The following MYOM2 variants were observed in gnomAD, a reference collection of about 807,000 sequenced individuals.
MYOM2 encodes the protein myomesin 2.
In MYOM2, 254 loss-of-function variants were observed where a neutral mutation model predicts 187.6. The ratio of observed to expected loss-of-function variants is 1.35; its 90% confidence interval spans 1.22 to 1.50. The LOEUF (loss-of-function observed/expected upper bound fraction) is 1.50. Among genes scored for constraint, MYOM2 ranks in the 40% most tolerant of loss-of-function variants. The pLI, the probability that MYOM2 is intolerant of heterozygous loss-of-function variation, is 0.00. For missense variants in MYOM2, 2,796 were observed against 1,924.0 expected (o/e 1.45, Z -8.48); for synonymous variants, 981 against 753.8 (o/e 1.30, Z -4.94).
intron 15 of MYOM2, 58 bp downstream of exon 15, chr8:2,090,249 A>G (rs745325512): frequency 1.4e-5 from 21 of 1,481,804 alleles, no homozygotes; most frequent in Non-Finnish European, 1.9e-5. Flanking sequence ...GGGTGACACC[A>G]AATAGCCTTA....
intron 6 of MYOM2, among the ~76,000 whole-genome samples, chr8:2,061,153 G>C (rs578019517): frequency 6.6e-6 from 1 of 152,078 alleles, no homozygotes; most frequent in South Asian, 2.1e-4. Context: ...GTTGGGAAGA[G>C]GGTTGAAAGG....
At position 2,069,504 on chromosome 8, in the gene MYOM2, G is replaced by A. The variant is rs777934982; in HGVS notation, c.793+7G>A. 98 of 1,614,040 alleles carry A rather than the reference G, an allele frequency of 6.1e-5. No homozygotes were observed. Among genetic ancestry groups the A allele is most frequent in the Non-Finnish European group, 8.1e-5 (95 of 1,180,022 alleles). On this transcript the variant is annotated splice_region_variant and intron_variant, in intron 8 of 36. Transcript: ENST00000262113. ...GTGGGACTCCCGATTGGATGTAAGTGGGTTTTTGTTTCTTTTCTGTGTGGT... is the reference window on the plus strand; with the variant it reads ...GTGGGACTCCCGATTGGATGTAAGTAGGTTTTTGTTTCTTTTCTGTGTGGT...
rs1453396029 is a variant in MYOM2 at position 2,144,836 on chromosome 8, T to C, written c.4253T>C (p.Ile1418Thr). The C allele has an allele frequency of 1.2e-6, 2 of 1,613,908 alleles. No individual in the cohort carries two copies. ...VTSEDSGKYS[I>T]NIKNKYGGEK... Reference sequence around the variant, plus strand: ...TCCGAGGACTCGGGCAAGTACAGCATCAACATCAAGAATAAGTATGGCGGG... The same window carrying C: ...TCCGAGGACTCGGGCAAGTACAGCACCAACATCAAGAATAAGTATGGCGGG... The change falls in exon 37 of 37, where the codon ATC (isoleucine) becomes ACC (threonine). Residue 1418 changes from isoleucine (I) to threonine (T), a missense_variant. Coordinates refer to ENST00000262113, the MANE Select transcript of MYOM2 (RefSeq NM_003970.4).
chr8:2,099,065 C>A, intron 19 of MYOM2, 82 bp downstream of exon 19: 2 of 1,458,684 alleles, frequency 1.4e-6, no homozygotes, highest in East Asian at 4.9e-5. Flanking sequence ...ACTCTGGACT[C>A]GCCAGCCTTC....
chr8:2,054,879 CACCTGGATACTGGGGAACCAAGT>C (rs1461414462), intron 3 of MYOM2, among the ~76,000 whole-genome samples: 17 of 135,372 alleles, frequency 1.3e-4, no homozygotes, highest in Non-Finnish European at 2.4e-4. Context: ...TGGCACCTGG[CACCTGGATACTGGGGAACCAAGT>C]ACCTGGATAC....
chr8:2,100,963 C>G lies in MYOM2; in HGVS notation c.2528C>G (p.Pro843Arg), dbSNP rs758953623. 3.7e-6 allele frequency: 6 copies of G among 1,614,214 alleles called. No individual in the cohort carries two copies. In the South Asian group the frequency reaches 6.6e-5, roughly 18 times the overall value. Residue 843 changes from proline to arginine, a missense_variant, in exon 20 of 37, where the codon CCT (proline) becomes CGT (arginine). Pro to Arg is a moderately radical substitution (Grantham distance 103). Coordinates refer to ENST00000262113, the MANE Select transcript of MYOM2 (RefSeq NM_003970.4). Reference protein sequence around the residue: ...WKAPVYSGSSPVSGYFVDFRE... With the variant: ...WKAPVYSGSSRVSGYFVDFRE... ...GCCCCTGTGTACTCCGGCAGCAGCC[C>G]TGTTTCTGGATATTTCGTGGACTTC...
At chr8:2,099,910 C>G (rs1370669957) in intron 19 of MYOM2, among the ~76,000 whole-genome samples, 1 of 152,154 alleles carries the variant, frequency 6.6e-6, no homozygotes, top group Non-Finnish European at 1.5e-5. Context: ...CTGCCTTTTT[C>G]CTTTTAGTCA....
intron 33 of MYOM2, 68 bp from the exon 34 acceptor site, chr8:2,141,073 A>G (rs1798258206): frequency 4.0e-6 from 6 of 1,484,052 alleles, no homozygotes; most frequent in Non-Finnish European, 5.6e-6. Flanking sequence ...CACTGGTATA[A>G]TATTTGAGTG....
intron 34 of MYOM2, 50 bp downstream of exon 34, chr8:2,141,227 C>T (rs79459994): frequency 1.9e-6 from 3 of 1,551,656 alleles, no homozygotes; most frequent in Non-Finnish European, 2.7e-6. Flanking sequence ...CAGTTGAGTC[C>T]CAGTCGTTTT....
intron 32 of MYOM2, among the ~76,000 whole-genome samples, chr8:2,135,052 C>A (rs1001759054): frequency 6.6e-6 from 1 of 152,172 alleles, no homozygotes; most frequent in Non-Finnish European, 1.5e-5. Context: ...CTGATTGGAT[C>A]CCAGCCCAAC....
chr8:2,108,897 C>A, intron 24 of MYOM2, 67 bp downstream of exon 24: 1 of 1,487,562 alleles, frequency 6.7e-7, no homozygotes, highest in Non-Finnish European at 9.4e-7. Context: ...TTCATTAATG[C>A]ATGAGCTCTT....
At chr8:2,121,264 T>C (rs1324101641) in intron 28 of MYOM2, among the ~76,000 whole-genome samples, 1 of 152,180 alleles carries the variant, frequency 6.6e-6, no homozygotes, top group African/African-American at 2.4e-5. Context: ...GACTTGGTTA[T>C]GGTGCTGGTT....
chr8:2,069,243 T>G, intron 6 of MYOM2, 35 bp from the exon 7 acceptor site: 1 of 1,592,504 alleles, frequency 6.3e-7, no homozygotes, highest in Non-Finnish European at 8.6e-7. Flanking sequence ...TACACAACAG[T>G]CCCGCAGACT....
Position 2,096,340 on chromosome 8 carries a change from C to G in MYOM2, c.2219C>G (p.Ser740Trp). 1.9e-6 allele frequency: 3 copies of G among 1,614,186 alleles called. No homozygotes were observed. Among genetic ancestry groups the G allele is most frequent in the Non-Finnish European group, 2.5e-6 (3 of 1,180,030 alleles). The change falls in exon 18 of 37, where the codon TCG (serine) becomes TGG (tryptophan). Residue 740 changes from serine (S) to tryptophan (W), a missense_variant. By Grantham distance (177) the Ser-to-Trp change is radical. Transcript: ENST00000262113. ...AAGGTCCCGAAATTCAGTGGTGGCT[C>G]GCCCATCCTGGGCTACTACCTGGAC... ...GWKVPKFSGGSPILGYYLDKR... is the reference protein window; with the variant it reads ...GWKVPKFSGGWPILGYYLDKR...
intron 31 of MYOM2, among the ~76,000 whole-genome samples, chr8:2,125,604 C>CTTTTTTTTTTTTTTTTTT (rs35137852): frequency 1.1e-5 from 1 of 89,288 alleles, no homozygotes. Context: ...ATTATTTTTC[C>CTTTTTTTTTTTTTTTTTT]TTTTTTTTTT....
chr8:2,075,486 C>A (rs1164887573), intron 10 of MYOM2, among the ~76,000 whole-genome samples: 1 of 152,144 alleles, frequency 6.6e-6, no homozygotes, highest in Non-Finnish European at 1.5e-5. Flanking sequence ...GATATGTGAG[C>A]AGGAAACTGG....
chr8:2,116,465 G>T (rs1033222997), intron 27 of MYOM2, among the ~76,000 whole-genome samples, 190 bp downstream of exon 27: 1 of 152,166 alleles, frequency 6.6e-6, no homozygotes, highest in Non-Finnish European at 1.5e-5. Context: ...AGAGGAAAGC[G>T]TGCCTCTAGC....
Position 2,102,733 on chromosome 8 carries a change from G to C in MYOM2, c.2686G>C (p.Gly896Arg), listed in dbSNP as rs1796750403. Residue 896 changes from glycine to arginine, a missense_variant, in exon 21 of 37, where the codon GGG becomes CGG. Gly to Arg is a moderately radical substitution (Grantham distance 125, BLOSUM62 -2). Transcript: ENST00000262113. ...CCGGGCAGTCAATGCAAATGGCGTG[G>C]GGAAGCCCTCAGACACGTCGGAGCC... ...RVRAVNANGVGKPSDTSEPVL... is the reference protein window; with the variant it reads ...RVRAVNANGVRKPSDTSEPVL... 1 of 1,613,996 alleles carries C rather than the reference G, an allele frequency of 6.2e-7. No homozygotes were observed. The highest frequency in any genetic ancestry group is 8.5e-7 in the Non-Finnish European group (1 of 1,179,948).
chr8:2,081,605 G>C (rs1402132858), intron 13 of MYOM2, among the ~76,000 whole-genome samples: 2 of 152,230 alleles, frequency 1.3e-5, no homozygotes, highest in Admixed American at 6.5e-5. Context: ...TATCTGTGAT[G>C]AAATTTGCCT....
Sources: allele counts gnomAD v4.1 joint callset (sites outside exome capture counted in the v4.1 genomes callset), GRCh38; gene constraint gnomAD v4.1.1; transcripts MANE v1.5; gene names NCBI Gene and HGNC (gene_info 2026-07-23, HGNC 2026-07-21).